The following SLC13A1 variants were observed in gnomAD, a reference collection of about 807,000 sequenced individuals.
The protein encoded by SLC13A1 is Na(+)/sulfate cotransporter.
A neutral mutation model predicts 70.0 loss-of-function variants in SLC13A1; 65 were observed. The ratio of observed to expected loss-of-function variants is 0.93; its 90% CI spans 0.76 to 1.14. The LOEUF (loss-of-function observed/expected upper bound fraction) is 1.14, where lower values mean the gene tolerates loss of function less well. Among genes scored for constraint, SLC13A1 ranks in the 50% most tolerant of loss-of-function variants. The probability of loss-of-function intolerance (pLI) is 0.00; values close to 1 mark genes in which losing one functional copy is unlikely to be tolerated. For missense variants in SLC13A1, 726 were observed against 717.8 expected (o/e 1.01, Z -0.13); for synonymous variants, 275 against 250.5 (o/e 1.10, Z -0.92).
At chr7:123,183,336 A>C (rs1795698270) in intron 1 of SLC13A1, among the ~76,000 whole-genome samples, 1 of 152,122 alleles carries the variant, frequency 6.6e-6, no homozygotes, top group Non-Finnish European at 1.5e-5. Flanking sequence ...CTCTTAACAA[A>C]CTGAGATATT....
At chr7:123,156,573 CAGTTA>C (rs1024274248) in intron 6 of SLC13A1, among the ~76,000 whole-genome samples, 8 of 152,078 alleles carry the variant, frequency 5.3e-5, no homozygotes, top group African/African-American at 1.9e-4. Flanking sequence ...TAAAGATCCT[CAGTTA>C]AGTTAATAAC....
intron 1 of SLC13A1, among the ~76,000 whole-genome samples, chr7:123,197,079 A>G (rs1423517541): frequency 2.0e-5 from 3 of 152,104 alleles, no homozygotes; most frequent in Non-Finnish European, 2.9e-5. Flanking sequence ...ACAGAAGAGT[A>G]CTCTGCAAAT....
At chr7:123,138,990 C>G (rs941721712) in intron 7 of SLC13A1, among the ~76,000 whole-genome samples, 1 of 151,958 alleles carries the variant, frequency 6.6e-6, no homozygotes, top group Admixed American at 6.6e-5. Flanking sequence ...AAATTTTTGC[C>G]CAGACCTATG....
chr7:123,151,044 C>T (rs1378975310), intron 6 of SLC13A1, among the ~76,000 whole-genome samples: 1 of 152,036 alleles, frequency 6.6e-6, no homozygotes, highest in Non-Finnish European at 1.5e-5. Flanking sequence ...AATTTGAGGG[C>T]CAGGCACAGT....
At chr7:123,135,893 T>C (rs1793933673) in intron 7 of SLC13A1, among the ~76,000 whole-genome samples, 1 of 152,352 alleles carries the variant, frequency 6.6e-6, no homozygotes, top group African/African-American at 2.4e-5. Flanking sequence ...TTAAAGATGT[T>C]AGAAAATGTG....
chr7:123,140,537 A>T (rs1475708250), intron 7 of SLC13A1, among the ~76,000 whole-genome samples: 2 of 152,110 alleles, frequency 1.3e-5, no homozygotes, highest in Non-Finnish European at 2.9e-5. Flanking sequence ...AGGATTCAGC[A>T]GTGAAGCCAT....
At position 123,114,636 on chromosome 7, in the gene SLC13A1, C is replaced by T. The variant is rs971307019; in HGVS notation, c.*882G>A. 1.3e-5 allele frequency: 2 copies of T among 151,930 alleles called. No homozygotes were observed. The highest frequency in any genetic ancestry group is 1.3e-4 in the Admixed American group (2 of 15,250). 9.4% of individuals were successfully genotyped at this position (151,930 alleles called of 1,614,324 possible). ...ACATCTCTTTATTTTTAACATATGACATTATGTATTTCTGAACTAAGATAA... is the reference window on the plus strand; with the variant it reads ...ACATCTCTTTATTTTTAACATATGATATTATGTATTTCTGAACTAAGATAA... On this transcript the variant is annotated 3_prime_UTR_variant, in exon 15 of 15. Transcript: ENST00000194130.
intron 2 of SLC13A1, among the ~76,000 whole-genome samples, chr7:123,174,249 T>G (rs558944279): frequency 6.6e-6 from 1 of 152,260 alleles, no homozygotes; most frequent in South Asian, 2.1e-4. Flanking sequence ...TCCACACAGA[T>G]AAGTCTTCTG....
Position 123,161,248 on chromosome 7 carries a change from A to ATCTT in SLC13A1, c.660+7125_660+7126insAAGA, listed in dbSNP as rs199879199. Among the ~76,000 whole-genome samples, 1,102 of 150,938 alleles carry ATCTT rather than the reference A, an allele frequency of 7.3e-3. 15 individuals are homozygous for ATCTT. The highest frequency in any genetic ancestry group is 0.025 in the African/African-American group (1,027 of 41,430). ...TTACATTAAAAAAGACTTAAATAAAATATTTTATTTAAATGAAATAAAGAT... is the reference window on the plus strand; with the variant it reads ...TTACATTAAAAAAGACTTAAATAAAATCTTTATTTTATTTAAATGAAATAAAGAT... On this transcript the variant is annotated intron_variant, in intron 6 of 14. Coordinates refer to ENST00000194130, the MANE Select transcript of SLC13A1 (RefSeq NM_022444.4).
chr7:123,162,834 A>G (rs1201232340), intron 6 of SLC13A1, among the ~76,000 whole-genome samples: 1 of 152,138 alleles, frequency 6.6e-6, no homozygotes, highest in Non-Finnish European at 1.5e-5. Flanking sequence ...TTTCACCCCT[A>G]AACTAAACAA....
intron 12 of SLC13A1, among the ~76,000 whole-genome samples, chr7:123,119,622 AC>A (rs1793306036): frequency 6.6e-6 from 1 of 151,918 alleles, no homozygotes; most frequent in Non-Finnish European, 1.5e-5. Context: ...ACAACTTTCA[AC>A]CCTTATTAGC....
rs1018277828 is a variant in SLC13A1, at chr7:123,128,879, C to T, written c.1099G>A (p.Gly367Arg). The change falls in exon 10 of 15, where the codon GGA (glycine) becomes AGA (arginine). Residue 367 changes from glycine to arginine, a missense_variant. Transcript: ENST00000194130. ...MALLWFSRDPGFVPGWSALFS... is the reference protein window; with the variant it reads ...MALLWFSRDPRFVPGWSALFS... ...AGTGCAGACCAACCAGGAACAAATC[C>T]GGGGTCTCGACTAAACCATAGCAGA... 16 of 1,613,388 alleles carry T rather than the reference C, an allele frequency of 9.9e-6. No individual in the cohort carries two copies. Among genetic ancestry groups the T allele is most frequent in the South Asian group, 3.3e-5 (3 of 91,038 alleles).
chr7:123,161,931 C>T (rs1448160531), intron 6 of SLC13A1, among the ~76,000 whole-genome samples: 1 of 151,318 alleles, frequency 6.6e-6, no homozygotes, highest in Admixed American at 6.6e-5. Context: ...TTTTGTTATT[C>T]TTCAAAATAT....
intron 3 of SLC13A1, 44 bp downstream of exon 3, chr7:123,171,724 G>A: frequency 1.3e-6 from 2 of 1,597,604 alleles, no homozygotes; most frequent in Non-Finnish European, 1.7e-6. Flanking sequence ...CACAAAAATG[G>A]TCTGTTCAGC....
At chr7:123,187,109 A>G (rs1211470449) in intron 1 of SLC13A1, among the ~76,000 whole-genome samples, 24 of 152,158 alleles carry the variant, frequency 1.6e-4, no homozygotes, top group Admixed American at 1.6e-3. Flanking sequence ...AGACAGAGGC[A>G]ATTGTGTGGA....
At chr7:123,155,297 C>A (rs1585343499) in intron 6 of SLC13A1, among the ~76,000 whole-genome samples, 1 of 151,782 alleles carries the variant, frequency 6.6e-6, no homozygotes, top group Middle Eastern at 3.4e-3. Flanking sequence ...GTTTTGTCTA[C>A]TGAATTTTCC....
At chr7:123,169,728 C>T (rs916182199) in intron 3 of SLC13A1, among the ~76,000 whole-genome samples, 6 of 152,166 alleles carry the variant, frequency 3.9e-5, no homozygotes, top group African/African-American at 1.2e-4. Flanking sequence ...CTGCAATCAA[C>T]TTTTGAATTT....
intron 1 of SLC13A1, among the ~76,000 whole-genome samples, chr7:123,196,902 G>A (rs1044577761): frequency 1.3e-5 from 2 of 152,108 alleles, no homozygotes; most frequent in African/African-American, 4.8e-5. Context: ...CAGGATCCAA[G>A]CTCAAATTTA....
intron 7 of SLC13A1, among the ~76,000 whole-genome samples, chr7:123,138,719 T>C (rs920151551): frequency 6.6e-6 from 1 of 152,190 alleles, no homozygotes; most frequent in Non-Finnish European, 1.5e-5. Flanking sequence ...GTATGTCTTA[T>C]TTTGAGAAAT....
Sources: allele counts gnomAD v4.1 joint callset (sites outside exome capture counted in the v4.1 genomes callset), GRCh38; gene constraint gnomAD v4.1.1; transcripts MANE v1.5; gene names NCBI Gene and HGNC (gene_info 2026-07-23, HGNC 2026-07-21).